Variants in ZNF600 observed in about 807,000 individuals in gnomAD.
ZNF600 encodes zinc finger protein 600, also known as zinc finger protein KR-ZNF1.
A neutral mutation model predicts 7.3 loss-of-function variants in ZNF600; 4 were observed. The ratio of observed to expected loss-of-function variants is 0.55; its 90% confidence interval spans 0.27 to 1.25. The LOEUF (loss-of-function observed/expected upper bound fraction) is 1.25, where lower values mean the gene tolerates loss of function less well. ZNF600 is among the 50% of genes most tolerant of loss of function. The probability of loss-of-function intolerance (pLI) is 0.12; values close to 1 mark genes in which losing one functional copy is unlikely to be tolerated. For missense variants in ZNF600, 911 were observed against 922.1 expected (o/e 0.99, Z 0.16); for synonymous variants, 290 against 308.9 (o/e 0.94, Z 0.64).
chr19:52,765,861 T>C (rs1296306557), exon 4 of ZNF600: 23 of 1,614,042 alleles, frequency 1.4e-5, no homozygotes, highest in Non-Finnish European at 1.9e-5. Flanking sequence ...CTCCCCAGCA[T>C]GAATTCTATG....
the ZNF600 span, among the ~76,000 whole-genome samples, chr19:52,808,803 A>G: frequency 6.6e-6 from 1 of 152,108 alleles, no homozygotes; most frequent in Non-Finnish European, 1.5e-5. Flanking sequence ...ACAAACCGAG[A>G]CCCCATCTCA....
chr19:52,818,402 C>A, the ZNF600 span, among the ~76,000 whole-genome samples: 2 of 152,190 alleles, frequency 1.3e-5, no homozygotes, highest in African/African-American at 4.8e-5. Context: ...CATGGAGAAA[C>A]CCTCTCTCTA....
chr19:52,810,953 G>C, the ZNF600 span, among the ~76,000 whole-genome samples: 1 of 131,414 alleles, frequency 7.6e-6, no homozygotes, highest in African/African-American at 2.8e-5. Flanking sequence ...AAAGCTGGAC[G>C]GTACTGCTGC....
intron 3 of ZNF600, among the ~76,000 whole-genome samples, chr19:52,772,698 T>A (rs1318737974): frequency 6.6e-6 from 1 of 152,158 alleles, no homozygotes; most frequent in East Asian, 1.9e-4. Flanking sequence ...TTCATGGACA[T>A]GACCCCAGTT....
At chr19:52,787,579 C>CCGGG (rs750638315), upstream of ZNF600, among the ~76,000 whole-genome samples, 54 of 150,844 alleles carry the variant, frequency 3.6e-4, no homozygotes, top group Non-Finnish European at 6.1e-4. Flanking sequence ...AAAAACAAGA[C>CCGGG]CGGGCGCGCT....
At chr19:52,766,546 G>A in exon 4 of ZNF600, 1 of 1,614,082 alleles carries the variant, frequency 6.2e-7, no homozygotes, top group Non-Finnish European at 8.5e-7. Context: ...ATTCTAGTAT[G>A]TCTTACCAGG....
At chr19:52,819,535 G>C in the ZNF600 span, among the ~76,000 whole-genome samples, 2 of 74,284 alleles carry the variant, frequency 2.7e-5, 1 homozygote, top group Non-Finnish European at 6.6e-5. Flanking sequence ...AGGGTCACTC[G>C]GGTTGAGCTT....
chr19:52,811,746 G>A, the ZNF600 span, among the ~76,000 whole-genome samples: 6 of 148,416 alleles, frequency 4.0e-5, no homozygotes, highest in East Asian at 2.1e-4. Flanking sequence ...CAGCCGCCCC[G>A]TCCGGGAGGG....
chr19:52,795,744 T>G, the ZNF600 span, among the ~76,000 whole-genome samples: 2 of 152,134 alleles, frequency 1.3e-5, no homozygotes, highest in African/African-American at 4.8e-5. Flanking sequence ...TTTCTATATT[T>G]TAGTCAAGAC....
chr19:52,823,499 C>A, the ZNF600 span, among the ~76,000 whole-genome samples: 731 of 152,274 alleles, frequency 4.8e-3, 7 homozygotes, highest in African/African-American at 0.016. Flanking sequence ...TACAGGCGTG[C>A]GCCACCGCAC....
chr19:52,798,975 G>A, the ZNF600 span: 1 of 1,186,578 alleles, frequency 8.4e-7, no homozygotes. Flanking sequence ...TGGTGTGCCA[G>A]GTGTGAATCA....
At chr19:52,773,666 C>A (rs963915442) in intron 3 of ZNF600, among the ~76,000 whole-genome samples, 1 of 151,810 alleles carries the variant, frequency 6.6e-6, no homozygotes, top group Non-Finnish European at 1.5e-5. Context: ...GTCAGGAGTT[C>A]GAGACCAGCC....
At chr19:52,781,986 G>A (rs192730985) in intron 1 of ZNF600, among the ~76,000 whole-genome samples, 265 of 147,508 alleles carry the variant, frequency 1.8e-3, no homozygotes, top group South Asian at 3.2e-3. Flanking sequence ...GCTTGACCCC[G>A]GGAGGCGGAG....
At chr19:52,796,272 T>A in the ZNF600 span, among the ~76,000 whole-genome samples, 1 of 152,208 alleles carries the variant, frequency 6.6e-6, no homozygotes, top group African/African-American at 2.4e-5. Flanking sequence ...CCTGACGATG[T>A]GTGCCCAAGG....
At chr19:52,790,682 CTTTTTTTTTTTTT>C (rs71183835), upstream of ZNF600, among the ~76,000 whole-genome samples, 1 of 98,566 alleles carries the variant, frequency 1.0e-5, no homozygotes, top group South Asian at 4.6e-4. Context: ...TCTCTCTCTC[CTTTTTTTTTTTTT>C]TTTTTTTTTG....
At chr19:52,815,540 ACTGT>A in the ZNF600 span, among the ~76,000 whole-genome samples, 1 of 143,284 alleles carries the variant, frequency 7.0e-6, no homozygotes, top group Non-Finnish European at 1.5e-5. Flanking sequence ...AAAAAAAATA[ACTGT>A]CTGGGCGTGG....
At chr19:52,794,477 G>A in the ZNF600 span, among the ~76,000 whole-genome samples, 4 of 152,146 alleles carry the variant, frequency 2.6e-5, no homozygotes, top group East Asian at 5.8e-4. Context: ...GAGAAGCTCC[G>A]AGTTGAGTCA....
chr19:52,779,717 G>A (rs13346867), intron 1 of ZNF600, among the ~76,000 whole-genome samples: 15,272 of 152,142 alleles, frequency 0.1, 1,011 homozygotes, highest in South Asian at 0.19. Flanking sequence ...ATAGATGCAT[G>A]TCTGAGTGCC....
At position 52,767,687 on chromosome 19, in the gene ZNF600, T is replaced by G. The variant is rs1397292388; in HGVS notation, c.276A>C (p.Arg92Ser). The G allele has an allele frequency of 6.2e-6, 10 of 1,614,046 alleles. No homozygotes were observed. In the Middle Eastern group the frequency reaches 8.2e-4, roughly 133 times the overall value. The stretch of plus-strand genomic sequence containing the variant: ...AATCTCCAATGTGATAACTTTGATA[T>G]CTTTGCAATGTCCCTGTGTGGATCA... Residue 92 changes from arginine to serine, a missense_variant, in exon 4 of 4, where the codon AGA (arginine) becomes AGC (serine). Arg to Ser is a moderately radical substitution (Grantham distance 110). Transcript: ENST00000648973.
Sources: allele counts gnomAD v4.1 joint callset (sites outside exome capture counted in the v4.1 genomes callset), GRCh38; gene constraint gnomAD v4.1.1; transcripts MANE v1.5; gene names NCBI Gene and HGNC (gene_info 2026-07-23, HGNC 2026-07-21).